Variants in IFT57 observed in about 807,000 individuals in gnomAD.
IFT57 encodes intraflagellar transport protein 57 homolog.
In IFT57, 59 loss-of-function variants were observed where a neutral mutation model predicts 56.8. The observed-to-expected ratio is 1.04, with a 90% CI of 0.84 to 1.29. IFT57 has a LOEUF of 1.29. Ranked by LOEUF, IFT57 falls within the 50% of genes most tolerant of loss-of-function variation. IFT57 has a pLI of 0.00. For missense variants in IFT57, 470 were observed against 522.1 expected (o/e 0.90, Z 0.97); for synonymous variants, 209 against 186.1 (o/e 1.12, Z -1.00).
intron 5 of IFT57, among the ~76,000 whole-genome samples, chr3:108,198,385 C>T (rs9836530): frequency 0.096 from 14,649 of 152,110 alleles, 768 homozygotes; most frequent in Middle Eastern, 0.12. Context: ...CTTAATTATG[C>T]CTACTTCAAA....
intron 5 of IFT57, among the ~76,000 whole-genome samples, chr3:108,202,773 T>C (rs1195044064): frequency 6.6e-6 from 1 of 152,208 alleles, no homozygotes; most frequent in African/African-American, 2.4e-5. Flanking sequence ...AGAATGACTT[T>C]AAATATATTT....
At chr3:108,169,280 T>C (rs1485137425) in intron 6 of IFT57, among the ~76,000 whole-genome samples, 11 of 152,062 alleles carry the variant, frequency 7.2e-5, no homozygotes, top group Admixed American at 5.9e-4. Flanking sequence ...TTTGGCCACA[T>C]AAATGTCTTC....
intron 4 of IFT57, among the ~76,000 whole-genome samples, chr3:108,213,009 C>A (rs576934547): frequency 2.6e-5 from 4 of 152,166 alleles, no homozygotes; most frequent in African/African-American, 4.8e-5. Context: ...AGGGAAGATA[C>A]TTTTATGATT....
intron 5 of IFT57, among the ~76,000 whole-genome samples, chr3:108,196,856 T>G (rs966995730): frequency 2.0e-5 from 3 of 152,182 alleles, no homozygotes; most frequent in Non-Finnish European, 4.4e-5. Flanking sequence ...CACTCAACAT[T>G]TCTTAATGCC....
Position 108,160,945 on chromosome 3 carries a change from C to T in IFT57, c.*1532G>A, listed in dbSNP as rs1485500511. On this transcript the variant is annotated 3_prime_UTR_variant, in exon 11 of 11. Coordinates refer to ENST00000264538, the MANE Select transcript of IFT57 (RefSeq NM_018010.4). Reference sequence around the variant, plus strand: ...AATAGGTGGCTTATACTACTCATTGCAAGAATTTTTAGATTTTTTACATGT... The same window carrying T: ...AATAGGTGGCTTATACTACTCATTGTAAGAATTTTTAGATTTTTTACATGT... 3.3e-5 allele frequency: 5 copies of T among 152,108 alleles called. No homozygotes were observed. The highest frequency in any genetic ancestry group is 1.2e-4 in the African/African-American group (5 of 41,422). The allele number at this position is 152,108 out of a possible 1,614,324, so 9.4% of individuals were successfully genotyped here.
intron 6 of IFT57, among the ~76,000 whole-genome samples, chr3:108,186,292 G>A (rs1456675758): frequency 7.1e-6 from 1 of 141,378 alleles, no homozygotes; most frequent in East Asian, 2.0e-4. Flanking sequence ...AGACAATCAA[G>A]GAAATCATGA....
chr3:108,221,195 A>T (rs1441728267), intron 1 of IFT57, among the ~76,000 whole-genome samples: 3 of 152,252 alleles, frequency 2.0e-5, no homozygotes, highest in Non-Finnish European at 4.4e-5. Flanking sequence ...GAATGAGATT[A>T]AAACTATCAA....
intron 6 of IFT57, among the ~76,000 whole-genome samples, chr3:108,168,245 T>G (rs186513952): frequency 2.2e-4 from 33 of 152,036 alleles, no homozygotes; most frequent in Admixed American, 2.2e-3. Context: ...ATATCATATA[T>G]CAAAGATTAG....
At chr3:108,181,138 T>C (rs1040852646) in intron 6 of IFT57, among the ~76,000 whole-genome samples, 1 of 152,052 alleles carries the variant, frequency 6.6e-6, no homozygotes, top group East Asian at 1.9e-4. Context: ...CTGATCCAGT[T>C]GAAACATTTA....
chr3:108,175,541 T>C (rs1201480206), intron 6 of IFT57, among the ~76,000 whole-genome samples: 1 of 151,804 alleles, frequency 6.6e-6, no homozygotes, highest in African/African-American at 2.4e-5. Context: ...GTATGAGATG[T>C]AGTTGCAGCT....
intron 4 of IFT57, among the ~76,000 whole-genome samples, chr3:108,208,183 C>T (rs1165280326): frequency 6.6e-6 from 1 of 152,034 alleles, no homozygotes; most frequent in African/African-American, 2.4e-5. Context: ...ACTCAAGTGA[C>T]ATTTACTTTT....
chr3:108,198,366 C>G (rs1026906898), intron 5 of IFT57, among the ~76,000 whole-genome samples: 5 of 152,080 alleles, frequency 3.3e-5, no homozygotes, highest in Non-Finnish European at 5.9e-5. Context: ...TTTTGATTTT[C>G]TTGTCATGCT....
chr3:108,212,327 G>A (rs918430891), intron 4 of IFT57, among the ~76,000 whole-genome samples: 6 of 151,896 alleles, frequency 4.0e-5, no homozygotes, highest in Non-Finnish European at 8.8e-5. Context: ...TCCTCCCACC[G>A]CCTCCCGAAG....
At chr3:108,163,634 T>C (rs746388044) in intron 10 of IFT57, 29 bp downstream of exon 10, 2 of 1,536,806 alleles carry the variant, frequency 1.3e-6, no homozygotes, top group Non-Finnish European at 1.8e-6. Flanking sequence ...TCTTGCTCAG[T>C]TTTTCCCCTA....
At chr3:108,175,516 C>T (rs2080119321) in intron 6 of IFT57, among the ~76,000 whole-genome samples, 1 of 151,736 alleles carries the variant, frequency 6.6e-6, no homozygotes, top group African/African-American at 2.4e-5. Context: ...TCACAGTACA[C>T]CATAAAATCA....
Position 108,222,395 on chromosome 3 carries a change from C to G in IFT57, c.-73G>C, listed in dbSNP as rs568661083. ...CGGCCTAAGCCGCCAGCCCTGCCGC[C>G]GCCAGTACAGCCACGACCGGTTACC... On this transcript the variant is annotated 5_prime_UTR_variant, in exon 1 of 11. Transcript: ENST00000264538. The G allele has an allele frequency of 4.9e-5, 69 of 1,422,366 alleles. No homozygotes were observed. Among genetic ancestry groups the G allele is most frequent in the Non-Finnish European group, 6.5e-5 (69 of 1,062,188 alleles). The allele number at this position is 1,422,366 out of a possible 1,614,324, so 88.1% of individuals were successfully genotyped here.
chr3:108,170,848 C>G (rs944925198), intron 6 of IFT57, among the ~76,000 whole-genome samples: 1 of 151,954 alleles, frequency 6.6e-6, no homozygotes, highest in Non-Finnish European at 1.5e-5. Flanking sequence ...AATAACACCA[C>G]ACATCTACAA....
intron 6 of IFT57, among the ~76,000 whole-genome samples, chr3:108,184,661 A>G (rs1409147661): frequency 1.3e-5 from 2 of 152,192 alleles, no homozygotes; most frequent in Non-Finnish European, 2.9e-5. Context: ...AATTAACTGT[A>G]GTACAATCTG....
At chr3:108,198,089 T>C (rs1192155822) in intron 5 of IFT57, among the ~76,000 whole-genome samples, 3 of 152,122 alleles carry the variant, frequency 2.0e-5, no homozygotes, top group Non-Finnish European at 4.4e-5. Flanking sequence ...GGGAGTCTTA[T>C]TACCATCTTT....
Sources: allele counts gnomAD v4.1 joint callset (sites outside exome capture counted in the v4.1 genomes callset), GRCh38; gene constraint gnomAD v4.1.1; transcripts MANE v1.5; gene names NCBI Gene and HGNC (gene_info 2026-07-23, HGNC 2026-07-21).